The following DGCR2 variants were observed in gnomAD, a reference collection of about 807,000 sequenced individuals.
DGCR2 encodes DiGeorge syndrome critical region gene 2.
In DGCR2, 24 loss-of-function variants were observed where a neutral mutation model predicts 51.6. The ratio of observed to expected loss-of-function variants is 0.47; its 90% CI spans 0.34 to 0.65. The LOEUF (loss-of-function observed/expected upper bound fraction) is 0.65. Ranked by LOEUF, DGCR2 falls within the 30% of genes least tolerant of loss-of-function variation. The pLI is 0.01. For missense variants in DGCR2, 765 were observed against 772.1 expected (o/e 0.99, Z 0.11); for synonymous variants, 340 against 315.4 (o/e 1.08, Z -0.82).
At chr22:19,108,117 C>CA (rs1219859999) in intron 1 of DGCR2, among the ~76,000 whole-genome samples, 2 of 152,144 alleles carry the variant, frequency 1.3e-5, no homozygotes, top group African/African-American at 4.8e-5. Flanking sequence ...TGTCTGCCCC[C>CA]ACGAAGCTCA....
chr22:19,085,106 A>G (rs1042709796), intron 2 of DGCR2, among the ~76,000 whole-genome samples: 507 of 50,556 alleles, frequency 0.01, no homozygotes, highest in Non-Finnish European at 0.014. Flanking sequence ...CCTGCCTTGG[A>G]AAAAAAAAAA....
chr22:19,083,635 A>C (rs1451862645), intron 2 of DGCR2, among the ~76,000 whole-genome samples: 1 of 151,874 alleles, frequency 6.6e-6, no homozygotes, highest in Non-Finnish European at 1.5e-5. Context: ...AAAATTTTAC[A>C]CATCTTTTGT....
chr22:19,073,064 C>G (rs1706042105), intron 2 of DGCR2, among the ~76,000 whole-genome samples: 1 of 151,874 alleles, frequency 6.6e-6, no homozygotes, highest in Non-Finnish European at 1.5e-5. Context: ...GGAGACCAGC[C>G]TGGGCAACAC....
At chr22:19,115,161 G>A (rs935697040) in intron 1 of DGCR2, among the ~76,000 whole-genome samples, 2 of 152,216 alleles carry the variant, frequency 1.3e-5, no homozygotes, top group Non-Finnish European at 2.9e-5. Flanking sequence ...AACAAGCCCT[G>A]CACTGTGCAA....
At chr22:19,083,724 C>G (rs1391851045) in intron 2 of DGCR2, among the ~76,000 whole-genome samples, 1 of 108,434 alleles carries the variant, frequency 9.2e-6, no homozygotes, top group African/African-American at 3.8e-5. Context: ...CCTCTCCCCA[C>G]GGTCTCCCTC....
intron 2 of DGCR2, among the ~76,000 whole-genome samples, chr22:19,080,533 T>C (rs778694610): frequency 1.3e-5 from 2 of 152,194 alleles, no homozygotes; most frequent in Non-Finnish European, 2.9e-5. Context: ...CACTGGACAG[T>C]GTTGGTCTAG....
At chr22:19,119,090 C>T (rs2083403782) in intron 1 of DGCR2, among the ~76,000 whole-genome samples, 1 of 152,122 alleles carries the variant, frequency 6.6e-6, no homozygotes, top group Non-Finnish European at 1.5e-5. Context: ...GATTCTGCAC[C>T]CTCACCTAGA....
intron 1 of DGCR2, among the ~76,000 whole-genome samples, chr22:19,090,198 G>A (rs1373442135): frequency 1.3e-5 from 2 of 152,194 alleles, no homozygotes; most frequent in Non-Finnish European, 2.9e-5. Context: ...GAAAAAATGT[G>A]CAAATCATCA....
At position 19,069,014 on chromosome 22, in the gene DGCR2, T is replaced by C. The variant is rs1036949031; in HGVS notation, c.203-789A>G. ...GAAGGGCAGACTCAGAGAAGGGGAG[T>C]GACTTACCCAAGGCCATGGTGCAGG... is the stretch of plus-strand genomic sequence containing the variant. On this transcript the variant is annotated intron_variant, in intron 2 of 9. Coordinates refer to ENST00000263196, the MANE Select transcript of DGCR2 (RefSeq NM_005137.3). Among the ~76,000 whole-genome samples, 2 of 151,900 alleles carry C rather than the reference T, an allele frequency of 1.3e-5. 1 individual carries two copies. Among genetic ancestry groups the C allele is most frequent in the South Asian group, 4.2e-4 (2 of 4,810 alleles).
chr22:19,076,974 C>CCCGCCT (rs1288017169), intron 2 of DGCR2, among the ~76,000 whole-genome samples: 1 of 151,424 alleles, frequency 6.6e-6, no homozygotes, highest in Non-Finnish European at 1.5e-5. Flanking sequence ...TTGTGATCCG[C>CCCGCCT]CGGCCTCCCA....
chr22:19,095,522 G>A (rs1192267149), intron 1 of DGCR2, among the ~76,000 whole-genome samples: 3 of 152,002 alleles, frequency 2.0e-5, no homozygotes, highest in African/African-American at 7.2e-5. Flanking sequence ...TTAGCCGGGC[G>A]TGGTGGCGGG....
At chr22:19,100,201 C>T (rs776801125) in intron 1 of DGCR2, among the ~76,000 whole-genome samples, 2 of 144,790 alleles carry the variant, frequency 1.4e-5, no homozygotes, top group Non-Finnish European at 3.0e-5. Context: ...ACCGGGGAGG[C>T]GAGGTTGCAG....
At chr22:19,088,908 G>A (rs1411860942) in intron 2 of DGCR2, among the ~76,000 whole-genome samples, 2 of 152,150 alleles carry the variant, frequency 1.3e-5, no homozygotes, top group Non-Finnish European at 2.9e-5. Flanking sequence ...TAATGGCCAG[G>A]AGAGAACCTG....
At chr22:19,095,504 A>G (rs2083128979) in intron 1 of DGCR2, among the ~76,000 whole-genome samples, 1 of 151,990 alleles carries the variant, frequency 6.6e-6, no homozygotes, top group Non-Finnish European at 1.5e-5. Flanking sequence ...TACTGAAAAT[A>G]CAAAAAATTA....
In DGCR2 at chr22:19,074,135, A is replaced by G. The variant is rs867783937; in HGVS notation, c.203-5910T>C. On this transcript the variant is annotated intron_variant, in intron 2 of 9. Transcript: ENST00000263196. ...AAACGGCTTGGCAATTTCTTAAAAA[A>G]TTAAACATGGCTCGGCACGGTGGCT... Among the ~76,000 whole-genome samples, 5 of 152,240 alleles carry G rather than the reference A, an allele frequency of 3.3e-5. No homozygotes were observed. In the South Asian group the frequency reaches 8.3e-4, roughly 25 times the overall value.
At chr22:19,093,751 C>A (rs568030463) in intron 1 of DGCR2, among the ~76,000 whole-genome samples, 1 of 152,264 alleles carries the variant, frequency 6.6e-6, no homozygotes, top group African/African-American at 2.4e-5. Context: ...AATCCCAACA[C>A]TTTAGGAGGC....
rs2083444050 is a variant in DGCR2, at chr22:19,122,274, C to T, written c.-68G>A. On this transcript the variant is annotated 5_prime_UTR_variant, in exon 1 of 10. Coordinates refer to ENST00000263196, the MANE Select transcript of DGCR2 (RefSeq NM_005137.3). ...CCAGGCCGGACTGAGGGTCAGGGGA[C>T]CGTGCCAAGCGGAGGGTCAGGCGGA... is the stretch of plus-strand genomic sequence containing the variant. The T allele has an allele frequency of 3.8e-6, 5 of 1,310,392 alleles. No homozygotes were observed. In the South Asian group the frequency reaches 7.5e-5, roughly 20 times the overall value. 81.2% of individuals were successfully genotyped at this position (1,310,392 alleles called of 1,614,324 possible). A position where few individuals can be genotyped will look rare whatever the true frequency, so the allele number is the denominator to read the frequency against.
At position 19,038,571 on chromosome 22, in the gene DGCR2, C is replaced by T. The variant is rs2082395758; in HGVS notation, c.*294G>A. The T allele has an allele frequency of 8.6e-6, 4 of 463,378 alleles. No individual in the cohort carries two copies. Among genetic ancestry groups the T allele is most frequent in the Non-Finnish European group, 1.2e-5 (3 of 260,378 alleles). The allele number at this position is 463,378 out of a possible 1,614,324, so 28.7% of individuals were successfully genotyped here. ...CCACAGTACCTTCTTCATTCCCTGC[C>T]TCTAACATGTGCGGTCTGAATGAAT... is the stretch of plus-strand genomic sequence containing the variant. On this transcript the variant is annotated 3_prime_UTR_variant, in exon 10 of 10. Coordinates refer to ENST00000263196, the MANE Select transcript of DGCR2 (RefSeq NM_005137.3).
At chr22:19,075,702 G>C (rs1299304608) in intron 2 of DGCR2, among the ~76,000 whole-genome samples, 1 of 152,178 alleles carries the variant, frequency 6.6e-6, no homozygotes, top group Non-Finnish European at 1.5e-5. Context: ...TTTTGTGACA[G>C]GCTTATTTCA....
Sources: allele counts gnomAD v4.1 joint callset (sites outside exome capture counted in the v4.1 genomes callset), GRCh38; gene constraint gnomAD v4.1.1; transcripts MANE v1.5; gene names NCBI Gene and HGNC (gene_info 2026-07-23, HGNC 2026-07-21).